The following DOCK6 variants were observed in gnomAD, a reference collection of about 807,000 sequenced individuals.
The protein encoded by DOCK6 is dedicator of cytokinesis protein 6.
In DOCK6, 167 loss-of-function variants were observed where a neutral mutation model predicts 230.3. The observed-to-expected ratio is 0.73, with a 90% confidence interval of 0.64 to 0.82. DOCK6 has a LOEUF of 0.82. Ranked by LOEUF, DOCK6 falls within the 40% of genes least tolerant of loss-of-function variation. The pLI, the probability that DOCK6 is intolerant of heterozygous loss-of-function variation, is 0.00. For synonymous variants in DOCK6, 1,148 were observed against 1,185.0 expected (o/e 0.97, Z 0.64); for missense variants, 2,598 against 2,825.8 (o/e 0.92, Z 1.83).
Position 11,222,970 on chromosome 19 carries a change from A to T in DOCK6, c.3069+23T>A. 1 of 1,613,592 alleles carries T rather than the reference A, an allele frequency of 6.2e-7. No homozygotes were observed. Among genetic ancestry groups the T allele is most frequent in the Non-Finnish European group, 8.5e-7 (1 of 1,179,748 alleles). Reference sequence around the variant, plus strand: ...TCCGCCTTCCATCCATGCCATGCCCACCCTGCCCACGCCCACTCCTACCTG... The same window carrying T: ...TCCGCCTTCCATCCATGCCATGCCCTCCCTGCCCACGCCCACTCCTACCTG... On this transcript the variant is annotated intron_variant, in intron 25 of 47. Coordinates refer to ENST00000294618, the MANE Select transcript of DOCK6 (RefSeq NM_020812.4). This position sits in a 1 kb window ranked among gnomAD's most constrained non-coding sequence, Gnocchi z 4.0.
rs2079172469 is a variant in DOCK6, at chr19:11,201,821, C to T, written c.5688+68G>A. On this transcript the variant is annotated intron_variant, in intron 44 of 47. Coordinates refer to ENST00000294618, the MANE Select transcript of DOCK6 (RefSeq NM_020812.4). This position sits in a 1 kb window ranked among gnomAD's most constrained non-coding sequence, Gnocchi z 4.3. ...GGTCTGGGTCCCTGTGTCTACCCTCCCCTCCCCTCCCAGGGTCTGATGTCC... is the reference window on the plus strand; with the variant it reads ...GGTCTGGGTCCCTGTGTCTACCCTCTCCTCCCCTCCCAGGGTCTGATGTCC... 3.8e-6 allele frequency: 5 copies of T among 1,331,852 alleles called. No individual in the cohort carries two copies. Among genetic ancestry groups the T allele is most frequent in the Non-Finnish European group, 5.1e-6 (5 of 979,422 alleles). 82.5% of individuals were successfully genotyped at this position (1,331,852 alleles called of 1,614,324 possible). A position where few individuals can be genotyped will look rare whatever the true frequency, so the allele number is the denominator to read the frequency against.
chr19:11,228,190 T>C (rs1212289936), intron 23 of DOCK6, among the ~76,000 whole-genome samples: 2 of 152,008 alleles, frequency 1.3e-5, no homozygotes, highest in Non-Finnish European at 2.9e-5. Context: ...TTTGTATTTT[T>C]AGTAGAGATG....
intron 1 of DOCK6, among the ~76,000 whole-genome samples, chr19:11,257,482 TAA>T (rs35933920): frequency 0.022 from 1,744 of 78,538 alleles, 35 homozygotes; most frequent in African/African-American, 0.079. Flanking sequence ...CACTGTCTCT[TAA>T]AAAAAAAAAA....
chr19:11,241,995 T>C, intron 14 of DOCK6, 50 bp downstream of exon 14: 1 of 1,531,024 alleles, frequency 6.5e-7, no homozygotes, highest in East Asian at 2.4e-5. Context: ...CCCAGCATGA[T>C]GTATGAATAC....
At chr19:11,247,453 T>G (rs983518418) in intron 7 of DOCK6, 1 of 152,656 alleles carries the variant, frequency 6.6e-6, no homozygotes, top group Non-Finnish European at 1.5e-5. Context: ...TCCTTGTGTT[T>G]AGGGCAGGAG....
chr19:11,247,966 GC>G, intron 7 of DOCK6, 99 bp downstream of exon 7: 1 of 1,040,254 alleles, frequency 9.6e-7, no homozygotes, highest in South Asian at 1.4e-5. Context: ...AGGTGACAGG[GC>G]CGCACACGGT....
In DOCK6 at chr19:11,200,960, AG is replaced by A; in HGVS notation, c.5780del (p.Ala1927ValfsTer12). The A allele has an allele frequency of 6.2e-7, 1 of 1,613,820 alleles. No homozygotes were observed. The highest frequency in any genetic ancestry group is 8.5e-7 in the Non-Finnish European group (1 of 1,179,852). ...CCTGAAGCACCATCTGTAGCATCTTAGCATCTGGTGGGTCCTGCTCGGTGGC... is the reference window on the plus strand; with the variant it reads ...CCTGAAGCACCATCTGTAGCATCTTACATCTGGTGGGTCCTGCTCGGTGGC... ...AFATEQDPPD[A>X]KMLQMVLQGS... is the part of the protein sequence containing the mutation. On this transcript the variant is annotated frameshift_variant, in exon 45 of 48. Coordinates refer to ENST00000294618, the MANE Select transcript of DOCK6 (RefSeq NM_020812.4). LOFTEE classifies it high-confidence loss of function. This position sits in a 1 kb window ranked among gnomAD's most constrained non-coding sequence, Gnocchi z 4.3.
At chr19:11,213,356 G>A (rs1327793611) in intron 34 of DOCK6, 28 bp from the exon 35 acceptor site, 4 of 1,600,626 alleles carry the variant, frequency 2.5e-6, no homozygotes, top group African/African-American at 2.7e-5. Context: ...GACAGACACT[G>A]TCCAGCCCCT....
chr19:11,228,726 A>T, intron 23 of DOCK6: 1 of 440,334 alleles, frequency 2.3e-6, no homozygotes, highest in Non-Finnish European at 4.2e-6. Flanking sequence ...CTCCTGGCTA[A>T]TTTTTTTTTG....
chr19:11,226,874 T>G (rs961146085), intron 24 of DOCK6, among the ~76,000 whole-genome samples: 5 of 152,208 alleles, frequency 3.3e-5, no homozygotes, highest in African/African-American at 1.2e-4. Flanking sequence ...CTGTATACTC[T>G]GACTGTGCTA....
In DOCK6 at chr19:11,211,929, G is replaced by A. The variant is rs1051072142; in HGVS notation, c.4651-53C>T. 7 of 1,488,276 alleles carry A rather than the reference G, an allele frequency of 4.7e-6. No individual in the cohort carries two copies. In the African/African-American group the frequency reaches 8.4e-5, roughly 18 times the overall value. 92.2% of individuals were successfully genotyped at this position (1,488,276 alleles called of 1,614,324 possible). A position where few individuals can be genotyped will look rare whatever the true frequency, so the allele number is the denominator to read the frequency against. On this transcript the variant is annotated intron_variant, in intron 36 of 47. Transcript: ENST00000294618. ...ATGAGAGCATTAGGAAGTGAAGGGAGCCAAGGTGGTGGGGTTGGGAGTTAT... is the reference window on the plus strand; with the variant it reads ...ATGAGAGCATTAGGAAGTGAAGGGAACCAAGGTGGTGGGGTTGGGAGTTAT...
chr19:11,221,965 G>A lies in DOCK6; in HGVS notation c.3436C>T (p.His1146Tyr), dbSNP rs2079586650. ...TCGGCGTAGCGGGGGTCAGTGTCAT[G>A]GCCACATAGCAGGCTGTGCACAGCA... is the stretch of plus-strand genomic sequence containing the variant. ...ISAVHSLLCG[H>Y]DTDPRYAEAT... is the part of the protein sequence containing the mutation. Residue 1146 changes from histidine to tyrosine, a missense_variant, in exon 28 of 48, where the codon CAT becomes TAT. Physicochemically the swap from His to Tyr is moderately conservative, Grantham distance 83. Coordinates refer to ENST00000294618, the MANE Select transcript of DOCK6 (RefSeq NM_020812.4). 6.2e-7 allele frequency: 1 copy of A among 1,613,766 alleles called. No homozygotes were observed. Among genetic ancestry groups the A allele is most frequent in the African/African-American group, 1.3e-5 (1 of 74,938 alleles).
In DOCK6 at chr19:11,211,788, T is replaced by C; in HGVS notation, c.4739A>G (p.Asp1580Gly). 6.4e-7 allele frequency: 1 copy of C among 1,551,140 alleles called. No individual in the cohort carries two copies. Among genetic ancestry groups the C allele is most frequent in the Non-Finnish European group, 8.7e-7 (1 of 1,146,590 alleles). The change falls in exon 37 of 48, where the codon GAC (aspartate) becomes GGC (glycine). Residue 1580 changes from aspartate to glycine, a missense_variant. Asp to Gly is a moderately conservative substitution (Grantham distance 94). Coordinates refer to ENST00000294618, the MANE Select transcript of DOCK6 (RefSeq NM_020812.4). ...TGGCCCACCTCACCTGTACATGAGG[T>C]CGATGAGCATCTCAGGGTCCTCCTG... is the stretch of plus-strand genomic sequence containing the variant. ...EHQEDPEMLI[D>G]LMYRIARGYQ...
chr19:11,239,998 G>T lies in DOCK6; in HGVS notation c.1644-1694C>A, dbSNP rs946067343. 8 of 1,550,252 alleles carry T rather than the reference G, an allele frequency of 5.2e-6. No individual in the cohort carries two copies. In the African/African-American group the frequency reaches 1.1e-4, roughly 21 times the overall value. On this transcript the variant is annotated intron_variant, in intron 14 of 47. Transcript: ENST00000294618. ...GTCCAAAGAGGAGTTCGTGTCTAGG[G>T]TAACCAACCATCCTGGTTTGCCCAG...
At chr19:11,227,203 T>C in intron 24 of DOCK6, 134 bp downstream of exon 24, 4 of 1,231,150 alleles carry the variant, frequency 3.2e-6, no homozygotes, top group Non-Finnish European at 4.5e-6. Flanking sequence ...AGACAATGAA[T>C]GAACGGATCC....
chr19:11,249,305 GT>G (rs1162800420), intron 6 of DOCK6, among the ~76,000 whole-genome samples: 1 of 151,904 alleles, frequency 6.6e-6, no homozygotes, highest in Non-Finnish European at 1.5e-5. Context: ...AAGGTCAGGA[GT>G]TTGAGACCAG....
chr19:11,250,836 A>G, intron 6 of DOCK6, 38 bp downstream of exon 6: 1 of 1,580,752 alleles, frequency 6.3e-7, no homozygotes, highest in Non-Finnish European at 8.7e-7. Flanking sequence ...GGCACCCAGT[A>G]AATGCTGGTT....
chr19:11,243,935 C>A lies in DOCK6; in HGVS notation c.1024-53G>T. ...AGGCGCTGCCCGAACGCTCTGTTCC[C>A]CCGTGCTGGCTCCCCAGCCTCCTGG... is the stretch of plus-strand genomic sequence containing the variant. On this transcript the variant is annotated intron_variant, in intron 9 of 47. Coordinates refer to ENST00000294618, the MANE Select transcript of DOCK6 (RefSeq NM_020812.4). This position sits in a 1 kb window ranked among gnomAD's most constrained non-coding sequence, Gnocchi z 6.3. 1 of 1,555,336 alleles carries A rather than the reference C, an allele frequency of 6.4e-7. No individual in the cohort carries two copies.
chr19:11,239,505 C>A, intron 14 of DOCK6: 1 of 1,111,342 alleles, frequency 9.0e-7, no homozygotes, highest in Non-Finnish European at 1.3e-6. Context: ...ATGCAACTAT[C>A]GCACCACTGC....
Sources: allele counts gnomAD v4.1 joint callset (sites outside exome capture counted in the v4.1 genomes callset), GRCh38; gene constraint gnomAD v4.1.1; non-coding constraint Gnocchi (gnomAD v3.1); transcripts MANE v1.5; gene names NCBI Gene and HGNC (gene_info 2026-07-23, HGNC 2026-07-21).